The following TRABD2B variants were observed in gnomAD, a reference collection of about 807,000 sequenced individuals.
TRABD2B encodes TraB domain containing 2B, also known as metalloprotease TIKI2.
Under a neutral mutation model 40.1 loss-of-function variants are expected in TRABD2B, and 14 were observed. The ratio of observed to expected loss-of-function variants is 0.35; its 90% confidence interval spans 0.23 to 0.55. The LOEUF (loss-of-function observed/expected upper bound fraction) is 0.55. Among genes scored for constraint, TRABD2B ranks in the 20% least tolerant of loss-of-function variants. The probability of loss-of-function intolerance (pLI) is 0.90; values close to 1 mark genes in which losing one functional copy is unlikely to be tolerated. For missense variants in TRABD2B, 541 were observed against 648.6 expected, an observed-to-expected ratio of 0.83 and a Z score of 1.80; for synonymous variants, 263 against 277.0, an observed-to-expected ratio of 0.95 and a Z score of 0.50.
At chr1:47,848,649 G>A (rs944332978) in intron 2 of TRABD2B, among the ~76,000 whole-genome samples, 2 of 152,176 alleles carry the variant, frequency 1.3e-5, no homozygotes, top group Non-Finnish European at 2.9e-5. Flanking sequence ...AGGAAACTGA[G>A]GGCTGCAAAT....
At chr1:47,809,047 C>T (rs1449790006) in intron 2 of TRABD2B, among the ~76,000 whole-genome samples, 1 of 152,146 alleles carries the variant, frequency 6.6e-6, no homozygotes, top group East Asian at 1.9e-4. Context: ...AAACCTTGCT[C>T]CCTGCCCAGG....
intron 2 of TRABD2B, among the ~76,000 whole-genome samples, chr1:47,957,520 T>C (rs1645442004): frequency 6.6e-6 from 1 of 152,130 alleles, no homozygotes; most frequent in Admixed American, 6.5e-5. Context: ...AGACCTTAAA[T>C]GACCTGATGG....
chr1:47,977,454 C>G (rs1645772812), intron 2 of TRABD2B, among the ~76,000 whole-genome samples: 1 of 152,110 alleles, frequency 6.6e-6, no homozygotes, highest in Non-Finnish European at 1.5e-5. Flanking sequence ...AGTAAACCAC[C>G]AGCCACTAGG....
intron 2 of TRABD2B, among the ~76,000 whole-genome samples, chr1:47,837,698 T>A (rs1167104899): frequency 6.6e-6 from 1 of 151,982 alleles, no homozygotes; most frequent in Non-Finnish European, 1.5e-5. Flanking sequence ...AAACTCTGAG[T>A]GATGAGCGGA....
chr1:47,801,661 G>A (rs1644825683), intron 2 of TRABD2B, 42 bp from the exon 3 acceptor site: 2 of 1,527,518 alleles, frequency 1.3e-6, no homozygotes, highest in African/African-American at 2.7e-5. Context: ...TGTGCTCAGG[G>A]ACCCTGGCTG....
intron 2 of TRABD2B, among the ~76,000 whole-genome samples, chr1:47,838,693 G>A (rs1254082626): frequency 6.6e-6 from 1 of 152,208 alleles, no homozygotes; most frequent in East Asian, 1.9e-4. Context: ...AATGGTCAGT[G>A]CTGGAAAGAC....
chr1:47,936,811 G>A lies in TRABD2B; in HGVS notation c.666+57223C>T, dbSNP rs1645112180. Reference sequence around the variant, plus strand: ...TTGGAATGTTCTATGGAATAAGTATGTGGAAACCATTTACAACACATTGAT... The same window carrying A: ...TTGGAATGTTCTATGGAATAAGTATATGGAAACCATTTACAACACATTGAT... On this transcript the variant is annotated intron_variant, in intron 2 of 6. Transcript: ENST00000606738. 1.3e-5 allele frequency among the ~76,000 whole-genome samples: 2 copies of A among 152,018 alleles called. 1 individual carries two copies. The highest frequency in any genetic ancestry group is 4.1e-4 in the South Asian group (2 of 4,824).
intron 2 of TRABD2B, among the ~76,000 whole-genome samples, chr1:47,810,515 T>A (rs1454362812): frequency 6.6e-6 from 1 of 152,018 alleles, no homozygotes; most frequent in Non-Finnish European, 1.5e-5. Context: ...GCAGGCCTGA[T>A]AGGTTTGCAG....
chr1:47,877,798 A>G (rs967544066), intron 2 of TRABD2B, among the ~76,000 whole-genome samples: 1 of 152,154 alleles, frequency 6.6e-6, no homozygotes, highest in African/African-American at 2.4e-5. Context: ...GGAGTTCAAG[A>G]CCAGGCTAAC....
chr1:47,780,763 G>A (rs1407588917), intron 4 of TRABD2B, among the ~76,000 whole-genome samples: 2 of 152,186 alleles, frequency 1.3e-5, no homozygotes, highest in African/African-American at 4.8e-5. Flanking sequence ...GCACATTTGG[G>A]AAGCTAACTG....
At position 47,883,607 on chromosome 1, in the gene TRABD2B, A is replaced by G. The variant is rs1247355185; in HGVS notation, c.667-81988T>C. Among the ~76,000 whole-genome samples, 5 of 152,332 alleles carry G rather than the reference A, an allele frequency of 3.3e-5. No individual in the cohort carries two copies. The East Asian group carries it at 9.7e-4, about 29-fold the overall frequency. On this transcript the variant is annotated intron_variant, in intron 2 of 6. Transcript: ENST00000606738. ...GCCTGAAGCCTTCAGCTGTGTCACA[A>G]GTCAGGACATCTGGATGGTTAGCCA...
intron 2 of TRABD2B, among the ~76,000 whole-genome samples, chr1:47,829,459 C>G (rs1475887702): frequency 6.6e-6 from 1 of 152,152 alleles, no homozygotes; most frequent in African/African-American, 2.4e-5. Flanking sequence ...GCGCTAGACT[C>G]CTCACTGTCG....
chr1:47,823,700 CAG>C (rs1257615674), intron 2 of TRABD2B, among the ~76,000 whole-genome samples: 3 of 152,168 alleles, frequency 2.0e-5, no homozygotes, highest in Non-Finnish European at 2.9e-5. Context: ...AACAGGAAGG[CAG>C]AGACTTTGTT....
chr1:47,943,542 A>T (rs7517415), intron 2 of TRABD2B, among the ~76,000 whole-genome samples: 67,963 of 151,918 alleles, frequency 0.45, 15,559 homozygotes, highest in East Asian at 0.68. Flanking sequence ...ATGGGGAAAC[A>T]GAGGTCCTTA....
chr1:47,811,551 T>C (rs187400319), intron 2 of TRABD2B, among the ~76,000 whole-genome samples: 2 of 152,298 alleles, frequency 1.3e-5, no homozygotes, highest in African/African-American at 4.8e-5. Flanking sequence ...CAGGAAATGC[T>C]CATAAATCCG....
chr1:47,864,733 T>A (rs1028088729), intron 2 of TRABD2B, among the ~76,000 whole-genome samples: 1 of 152,048 alleles, frequency 6.6e-6, no homozygotes, highest in Non-Finnish European at 1.5e-5. Context: ...CTGAGGGGCC[T>A]AGGTGGGGAC....
At chr1:47,863,799 C>A (rs1042087552) in intron 2 of TRABD2B, among the ~76,000 whole-genome samples, 1 of 152,150 alleles carries the variant, frequency 6.6e-6, no homozygotes, top group African/African-American at 2.4e-5. Flanking sequence ...TGTACACAGA[C>A]ATTTATAACA....
At chr1:47,858,204 C>CTTTATTTTAT (rs201856478) in intron 2 of TRABD2B, among the ~76,000 whole-genome samples, 15 of 135,342 alleles carry the variant, frequency 1.1e-4, no homozygotes, top group South Asian at 5.3e-4. Flanking sequence ...CTTTATTTTA[C>CTTTATTTTAT]TTTATTTTAT....
intron 2 of TRABD2B, among the ~76,000 whole-genome samples, chr1:47,857,301 A>G (rs1438556860): frequency 6.6e-6 from 1 of 152,056 alleles, no homozygotes; most frequent in African/African-American, 2.4e-5. Context: ...CCACTCCCAG[A>G]GCTTGCTGCC....
Sources: allele counts gnomAD v4.1 joint callset (sites outside exome capture counted in the v4.1 genomes callset), GRCh38; gene constraint gnomAD v4.1.1; transcripts MANE v1.5; gene names NCBI Gene and HGNC (gene_info 2026-07-23, HGNC 2026-07-21).